Variants in RGPD2 observed in about 807,000 individuals in gnomAD.
The protein encoded by RGPD2 is RANBP2 like and GRIP domain containing 2.
A neutral mutation model predicts 36.0 loss-of-function variants in RGPD2; 2 were observed. The ratio of observed to expected loss-of-function variants is 0.06; its 90% CI spans 0.02 to 0.17. The LOEUF (loss-of-function observed/expected upper bound fraction) is 0.17, where lower values mean the gene tolerates loss of function less well. RGPD2 is among the 10% of genes least tolerant of loss of function. The pLI is 1.00. For missense variants in RGPD2, 40 were observed against 464.3 expected, an observed-to-expected ratio of 0.09 and a Z score of 8.40; for synonymous variants, 19 against 163.8, an observed-to-expected ratio of 0.12 and a Z score of 6.75.
At chr2:87,834,231 C>G in the RGPD2 span, among the ~76,000 whole-genome samples, 4 of 151,050 alleles carry the variant, frequency 2.6e-5, no homozygotes, top group South Asian at 8.4e-4. Context: ...TAAATAACAT[C>G]TAAGAAAACC....
At chr2:87,961,172 T>G in the RGPD2 span, among the ~76,000 whole-genome samples, 1 of 152,210 alleles carries the variant, frequency 6.6e-6, no homozygotes, top group Non-Finnish European at 1.5e-5. Context: ...ACTATCCTAC[T>G]GATAAAAGTG....
At position 87,807,372 on chromosome 2, in the gene RGPD2, G is replaced by A. The variant is rs547282101; in HGVS notation, c.780-481C>T. Among the ~76,000 whole-genome samples, 40 of 136,708 alleles carry A rather than the reference G, an allele frequency of 2.9e-4. 2 individuals carry two copies. Among genetic ancestry groups the A allele is most frequent in the Non-Finnish European group, 4.8e-4 (32 of 66,244 alleles). 89.7% of individuals were successfully genotyped at this position (136,708 alleles called of 152,430 possible). On this transcript the variant is annotated intron_variant, in intron 6 of 22. Coordinates refer to ENST00000398146, the MANE Select transcript of RGPD2 (RefSeq NM_001078170.3). ...TTTTTACTATATAGATCATTACAGC[G>A]TTAAATTGTTTTTTTTTTTTTTTTT...
intron 1 of RGPD2, among the ~76,000 whole-genome samples, chr2:87,824,782 GGCCGAGGCCGAGGCC>G (rs1292633074): frequency 6.4e-5 from 2 of 31,160 alleles, no homozygotes; most frequent in African/African-American, 2.1e-4. Context: ...GCCAGGCCGA[GGCCGAGGCCGAGGCC>G]GCCGCCGCCG....
the RGPD2 span, among the ~76,000 whole-genome samples, chr2:87,986,850 A>G: frequency 6.7e-6 from 1 of 149,306 alleles, no homozygotes; most frequent in African/African-American, 2.5e-5. Context: ...ATTGCACTCC[A>G]GCCTGGATGA....
the RGPD2 span, among the ~76,000 whole-genome samples, chr2:87,877,838 A>ATATTGAC: frequency 2.0e-5 from 3 of 148,092 alleles, no homozygotes; most frequent in South Asian, 6.3e-4. Flanking sequence ...AAAAAAAAGA[A>ATATTGAC]TATTGACTAT....
At chr2:87,973,518 A>C in the RGPD2 span, among the ~76,000 whole-genome samples, 1 of 136,956 alleles carries the variant, frequency 7.3e-6, no homozygotes, top group African/African-American at 2.6e-5. Flanking sequence ...TGCCCACCAG[A>C]AACAGCCCTA....
the RGPD2 span, among the ~76,000 whole-genome samples, chr2:87,920,275 G>C: frequency 6.6e-6 from 1 of 151,798 alleles, no homozygotes; most frequent in Admixed American, 6.6e-5. Flanking sequence ...ACTCTCAAGT[G>C]GGGAAAAAAA....
chr2:87,915,397 A>T, the RGPD2 span, among the ~76,000 whole-genome samples: 5 of 141,286 alleles, frequency 3.5e-5, no homozygotes, highest in Non-Finnish European at 6.1e-5. Flanking sequence ...ATATATATGT[A>T]TATTATATAT....
the RGPD2 span, among the ~76,000 whole-genome samples, chr2:87,857,304 A>T: frequency 0.14 from 18,323 of 133,266 alleles, no homozygotes; most frequent in Middle Eastern, 0.23. Context: ...TTTAATTTAA[A>T]AATTCAAATT....
chr2:87,932,716 G>A, the RGPD2 span, among the ~76,000 whole-genome samples: 78 of 152,018 alleles, frequency 5.1e-4, no homozygotes, highest in Non-Finnish European at 8.5e-4. Flanking sequence ...ACGAAACTTA[G>A]TTTGGCCAGA....
the RGPD2 span, among the ~76,000 whole-genome samples, chr2:87,909,239 G>T: frequency 1.3e-5 from 2 of 151,664 alleles, no homozygotes; most frequent in African/African-American, 4.9e-5. Context: ...AGAGTTTTCA[G>T]TTTATGCGTC....
the RGPD2 span, among the ~76,000 whole-genome samples, chr2:87,877,670 T>A: frequency 6.6e-6 from 1 of 152,224 alleles, no homozygotes; most frequent in Non-Finnish European, 1.5e-5. Context: ...CTGGGCGTGG[T>A]GGCGGGCACC....
At chr2:87,883,952 C>T in the RGPD2 span, among the ~76,000 whole-genome samples, 5 of 150,736 alleles carry the variant, frequency 3.3e-5, no homozygotes, top group Non-Finnish European at 7.4e-5. Flanking sequence ...ATGGACCTAA[C>T]GGATATATAC....
the RGPD2 span, among the ~76,000 whole-genome samples, chr2:87,928,947 T>G: frequency 2.0e-5 from 3 of 151,934 alleles, no homozygotes; most frequent in Non-Finnish European, 4.4e-5. Context: ...TTCAGGATAT[T>G]AGACCTTTGC....
chr2:87,820,144 A>G, intron 1 of RGPD2, among the ~76,000 whole-genome samples: 1 of 58,048 alleles, frequency 1.7e-5, no homozygotes, highest in African/African-American at 8.2e-5. Flanking sequence ...AAAAAAAAAA[A>G]AAAAAAAAGC....
chr2:87,876,214 A>G, the RGPD2 span, among the ~76,000 whole-genome samples: 105,176 of 134,438 alleles, frequency 0.78, 39,252 homozygotes, highest in East Asian at 0.9. Context: ...TTATGTCCCC[A>G]TCTCCTTCAG....
At chr2:87,957,397 C>G in the RGPD2 span, among the ~76,000 whole-genome samples, 1 of 151,336 alleles carries the variant, frequency 6.6e-6, no homozygotes, top group Non-Finnish European at 1.5e-5. Context: ...ATGCTGGCCT[C>G]TTGACATTAT....
intron 2 of RGPD2, among the ~76,000 whole-genome samples, chr2:87,818,043 A>AC (rs1686283118): frequency 8.3e-6 from 1 of 119,968 alleles, no homozygotes; most frequent in Non-Finnish European, 1.8e-5. Context: ...AAAAAAAAAA[A>AC]AACCCTGCCT....
chr2:87,861,670 C>T, the RGPD2 span, among the ~76,000 whole-genome samples: 17 of 151,586 alleles, frequency 1.1e-4, no homozygotes, highest in Admixed American at 8.5e-4. Flanking sequence ...TAAATCTGGC[C>T]TCTTTGATAG....
Sources: allele counts gnomAD v4.1 joint callset (sites outside exome capture counted in the v4.1 genomes callset), GRCh38; gene constraint gnomAD v4.1.1; transcripts MANE v1.5; gene names NCBI Gene and HGNC (gene_info 2026-07-23, HGNC 2026-07-21).